RGPD2: variants seen among roughly 807,000 people sequenced by gnomAD.
RGPD2 encodes RANBP2-like and GRIP domain-containing protein 2.
RGPD2 carries 2 observed loss-of-function variants against 36.0 expected under a neutral mutation model. That is an observed-to-expected ratio of 0.06 (90% CI 0.02 to 0.17). RGPD2 has a LOEUF of 0.17. Ranked by LOEUF, RGPD2 falls within the 10% of genes least tolerant of loss-of-function variation. RGPD2 has a pLI of 1.00. For missense variants in RGPD2, 40 were observed against 464.3 expected (o/e 0.09, Z 8.40); for synonymous variants, 19 against 163.8 (o/e 0.12, Z 6.75).
At chr2:87,826,209 A>G (rs1481195689), upstream of RGPD2, among the ~76,000 whole-genome samples, 3 of 152,122 alleles carry the variant, frequency 2.0e-5, no homozygotes, top group Non-Finnish European at 4.4e-5. Context: ...CAGCTAGTAA[A>G]TGGCATAATT....
At chr2:87,984,886 T>C in the RGPD2 span, among the ~76,000 whole-genome samples, 5 of 146,536 alleles carry the variant, frequency 3.4e-5, no homozygotes, top group South Asian at 2.1e-4. Flanking sequence ...GCTGAGATTG[T>C]GCCATTGCAC....
At chr2:87,940,840 G>A in the RGPD2 span, among the ~76,000 whole-genome samples, 8 of 151,316 alleles carry the variant, frequency 5.3e-5, no homozygotes, top group Non-Finnish European at 1.2e-4. Context: ...AATATGTAAA[G>A]ACTATGAAAC....
At chr2:87,966,267 A>G in the RGPD2 span, among the ~76,000 whole-genome samples, 7 of 151,698 alleles carry the variant, frequency 4.6e-5, no homozygotes, top group Non-Finnish European at 8.8e-5. Flanking sequence ...ACAAAAAATT[A>G]TTTTGCAATG....
chr2:87,839,476 C>A, the RGPD2 span, among the ~76,000 whole-genome samples: 1 of 152,012 alleles, frequency 6.6e-6, no homozygotes, highest in Admixed American at 6.6e-5. Context: ...AAGACACATG[C>A]ACTCATATGT....
At chr2:87,964,143 G>C in the RGPD2 span, among the ~76,000 whole-genome samples, 12 of 152,236 alleles carry the variant, frequency 7.9e-5, no homozygotes, top group Non-Finnish European at 1.6e-4. Context: ...CATCCAAAGA[G>C]AGAATCTTCT....
At chr2:87,827,286 A>C (rs1395806156), upstream of RGPD2, among the ~76,000 whole-genome samples, 1 of 152,228 alleles carries the variant, frequency 6.6e-6, no homozygotes, top group Non-Finnish European at 1.5e-5. Flanking sequence ...GTTAGCAAAA[A>C]AATAGTAACA....
chr2:87,977,814 G>T, the RGPD2 span, among the ~76,000 whole-genome samples: 2 of 152,088 alleles, frequency 1.3e-5, no homozygotes, highest in Admixed American at 1.3e-4. Flanking sequence ...TTTTGAAAAT[G>T]TTATAAAAAG....
intron 1 of RGPD2, among the ~76,000 whole-genome samples, chr2:87,824,348 G>C (rs1017186083): frequency 2.0e-5 from 3 of 151,978 alleles, no homozygotes; most frequent in African/African-American, 7.3e-5. Flanking sequence ...ATTAACAAAT[G>C]AAAGCACAAT....
the RGPD2 span, among the ~76,000 whole-genome samples, chr2:87,964,934 G>A: frequency 6.6e-6 from 1 of 151,596 alleles, no homozygotes; most frequent in Admixed American, 6.6e-5. Flanking sequence ...AACCTAAATA[G>A]CATATGTATA....
chr2:87,813,174 G>A (rs1318296008), intron 4 of RGPD2, among the ~76,000 whole-genome samples: 1 of 152,224 alleles, frequency 6.6e-6, no homozygotes, highest in African/African-American at 2.4e-5. Context: ...GGCAAAAAAT[G>A]CTATAATCCC....
At chr2:87,825,423 G>A (rs1686684814) in intron 1 of RGPD2, among the ~76,000 whole-genome samples, 1 of 116,136 alleles carries the variant, frequency 8.6e-6, no homozygotes, top group African/African-American at 3.0e-5. Flanking sequence ...CGAGGCCGCC[G>A]CCGCCGCCGC....
the RGPD2 span, among the ~76,000 whole-genome samples, chr2:87,971,453 T>TTATATATAAGTATATATAATATGAATAA: frequency 7.5e-6 from 1 of 132,504 alleles, no homozygotes; most frequent in Non-Finnish European, 1.6e-5. Flanking sequence ...AATATGAATA[T>TTATATATAAGTATATATAATATGAATAA]TATATATAAA....
intron 6 of RGPD2, among the ~76,000 whole-genome samples, chr2:87,809,134 T>C (rs1452849065): frequency 2.1e-5 from 3 of 145,780 alleles, no homozygotes; most frequent in Admixed American, 6.9e-5. Context: ...TGAAACCCCA[T>C]CTCTACTAAA....
the RGPD2 span, among the ~76,000 whole-genome samples, chr2:87,974,768 C>T: frequency 6.6e-6 from 1 of 152,202 alleles, no homozygotes; most frequent in Non-Finnish European, 1.5e-5. Context: ...CCACATCCAG[C>T]CACCACTAAA....
intron 20 of RGPD2, among the ~76,000 whole-genome samples, chr2:87,780,170 GGA>G (rs1451177862): frequency 1.7e-4 from 3 of 17,968 alleles, no homozygotes; most frequent in African/African-American, 8.0e-4. Flanking sequence ...TTCCTAGCTA[GGA>G]GAAATAACAG....
the RGPD2 span, among the ~76,000 whole-genome samples, chr2:87,848,838 G>A: frequency 7.0e-6 from 1 of 142,012 alleles, no homozygotes; most frequent in African/African-American, 2.6e-5. Context: ...TTTAAAAAGG[G>A]TGGAAAATAA....
rs1433258252 is a variant in RGPD2 at position 87,798,708 on chromosome 2, A to C, written c.1064-534T>G. Among the ~76,000 whole-genome samples, 3 of 141,410 alleles carry C rather than the reference A, an allele frequency of 2.1e-5. No individual in the cohort carries two copies. In the East Asian group the frequency reaches 6.1e-4, roughly 29 times the overall value. 92.8% of individuals were successfully genotyped at this position (141,410 alleles called of 152,430 possible). A position where few individuals can be genotyped will look rare whatever the true frequency, so the allele number is the denominator to read the frequency against. ...GTCTCTACTAAAAATACAAAAAAAA[A>C]AAAAAAAAAATTAGCCGGCCCTGGT... On this transcript the variant is annotated intron_variant, in intron 8 of 22. Transcript: ENST00000398146.
At chr2:87,883,400 A>T in the RGPD2 span, among the ~76,000 whole-genome samples, 1 of 151,634 alleles carries the variant, frequency 6.6e-6, no homozygotes, top group Admixed American at 6.5e-5. Context: ...AGAAATAAAA[A>T]AAAAGGCCCT....
At chr2:87,897,714 G>A in the RGPD2 span, among the ~76,000 whole-genome samples, 3 of 151,924 alleles carry the variant, frequency 2.0e-5, no homozygotes, top group African/African-American at 7.3e-5. Flanking sequence ...TTATAAGTGA[G>A]AACATGCAGT....
Sources: allele counts gnomAD v4.1 joint callset (sites outside exome capture counted in the v4.1 genomes callset), GRCh38; gene constraint gnomAD v4.1.1; transcripts MANE v1.5; gene names NCBI Gene and HGNC (gene_info 2026-07-23, HGNC 2026-07-21).